Variants in ZNF667 observed in about 807,000 individuals in gnomAD.
ZNF667 encodes zinc finger protein 667.
A neutral mutation model predicts 31.8 loss-of-function variants in ZNF667; 13 were observed. The observed-to-expected ratio is 0.41, with a 90% CI of 0.27 to 0.65. The LOEUF is 0.65. Ranked by LOEUF, ZNF667 falls within the 30% of genes least tolerant of loss-of-function variation. The pLI is 0.32. For synonymous variants in ZNF667, 228 were observed against 247.1 expected, an observed-to-expected ratio of 0.92 and a Z score of 0.73; for missense variants, 642 against 725.6, an observed-to-expected ratio of 0.88 and a Z score of 1.32.
chr19:56,464,010 G>A (rs2043107099), intron 3 of ZNF667, among the ~76,000 whole-genome samples: 1 of 152,120 alleles, frequency 6.6e-6, no homozygotes. Context: ...CTTTTCCAAA[G>A]GTTTTAGGAA....
chr19:56,462,678 C>T (rs145272276), intron 3 of ZNF667, among the ~76,000 whole-genome samples: 103 of 152,330 alleles, frequency 6.8e-4, no homozygotes, highest in African/African-American at 2.4e-3. Flanking sequence ...ACTGCACAGA[C>T]CTCTGGCCAT....
At chr19:56,459,566 A>G (rs1012759776) in intron 5 of ZNF667, among the ~76,000 whole-genome samples, 1 of 152,180 alleles carries the variant, frequency 6.6e-6, no homozygotes, top group East Asian at 1.9e-4. Context: ...TTAAAGCGCT[A>G]AAAACCCCAA....
At chr19:56,475,570 A>G (rs2043388192) in intron 1 of ZNF667, 1 of 152,122 alleles carries the variant, frequency 6.6e-6, no homozygotes, top group Non-Finnish European at 1.5e-5. Flanking sequence ...GGCCTGGTAA[A>G]TAGAGCCCAG....
chr19:56,441,018 C>T lies in ZNF667; in HGVS notation c.*144G>A. The T allele has an allele frequency of 2.8e-6, 4 of 1,434,796 alleles. No individual in the cohort carries two copies. The South Asian group carries it at 4.7e-5, about 17-fold the overall frequency. The allele number at this position is 1,434,796 out of a possible 1,614,324, so 88.9% of individuals were successfully genotyped here. ...TAATTTCAAATCCTGAGGTCAAAAT[C>T]ACCAATGACTTTTGCTCTTTGGCTT... On this transcript the variant is annotated 3_prime_UTR_variant, in exon 7 of 7. Transcript: ENST00000504904. The surrounding 1 kb of genome is among the most constrained non-coding windows in gnomAD (Gnocchi z 4.2).
chr19:56,475,389 TC>T, intron 1 of ZNF667: 1 of 152,482 alleles, frequency 6.6e-6, no homozygotes, highest in Non-Finnish European at 1.5e-5. Flanking sequence ...TGCCCCGCCT[TC>T]CCCAGCTCCC....
chr19:56,467,211 G>A, intron 3 of ZNF667: 1 of 361,146 alleles, frequency 2.8e-6, no homozygotes, highest in South Asian at 2.1e-5. Context: ...GGGGAAATGA[G>A]GGCACTGTGG....
chr19:56,451,868 C>CAAAAAAAAAAAAAAAAAAAAAAA (rs71184363), intron 6 of ZNF667, among the ~76,000 whole-genome samples: 1 of 80,974 alleles, frequency 1.2e-5, no homozygotes, highest in African/African-American at 5.4e-5. Flanking sequence ...GACCCTGTCT[C>CAAAAAAAAAAAAAAAAAAAAAAA]AAAAAAAAAA....
chr19:56,466,965 C>G (rs149206636), intron 3 of ZNF667: 403 of 455,778 alleles, frequency 8.8e-4, no homozygotes, highest in African/African-American at 7.6e-3. Flanking sequence ...AAACTTGCTT[C>G]TTTCACTGTG....
At chr19:56,474,899 C>T (rs1600469766) in intron 1 of ZNF667, 1 of 151,960 alleles carries the variant, frequency 6.6e-6, no homozygotes, top group Admixed American at 6.6e-5. Flanking sequence ...GAATAACGTT[C>T]GAGTCTCAGA....
chr19:56,465,346 T>C lies in ZNF667; in HGVS notation c.-59-2917A>G, dbSNP rs915457272. On this transcript the variant is annotated intron_variant, in intron 3 of 6. Transcript: ENST00000504904. ...CTTGAGTTCAGAGTTAGGTAATGGATATGTTTTGATACAAAACATGGATCC... is the reference window on the plus strand; with the variant it reads ...CTTGAGTTCAGAGTTAGGTAATGGACATGTTTTGATACAAAACATGGATCC... Among the ~76,000 whole-genome samples, 4 of 152,262 alleles carry C rather than the reference T, an allele frequency of 2.6e-5. No homozygotes were observed. In the South Asian group the frequency reaches 8.3e-4, roughly 31 times the overall value.
At chr19:56,469,266 C>T (rs1240072421) in intron 3 of ZNF667, among the ~76,000 whole-genome samples, 1 of 152,196 alleles carries the variant, frequency 6.6e-6, no homozygotes, top group African/African-American at 2.4e-5. Context: ...ACATCCAGAG[C>T]TCCCTCATGC....
intron 6 of ZNF667, among the ~76,000 whole-genome samples, 200 bp from the exon 7 acceptor site, chr19:56,442,941 T>A (rs115694828): frequency 2.0e-3 from 310 of 152,186 alleles, no homozygotes; most frequent in African/African-American, 6.0e-3. Flanking sequence ...TTCAGAAGAG[T>A]GTAATTTGAA....
At chr19:56,463,573 G>A (rs188099243) in intron 3 of ZNF667, among the ~76,000 whole-genome samples, 2 of 152,104 alleles carry the variant, frequency 1.3e-5, no homozygotes, top group East Asian at 3.9e-4. Context: ...TGTTGCCCAG[G>A]CGGGAATGCA....
chr19:56,469,785 T>C, intron 3 of ZNF667: 1 of 376,942 alleles, frequency 2.7e-6, no homozygotes, highest in South Asian at 2.0e-5. Flanking sequence ...CAACTCTGTA[T>C]TCCAAGTGCC....
chr19:56,452,081 T>C (rs1438095568), intron 6 of ZNF667, among the ~76,000 whole-genome samples: 4 of 149,196 alleles, frequency 2.7e-5, no homozygotes, highest in Non-Finnish European at 5.9e-5. Context: ...AGAGTTTCGC[T>C]CTTGTTGTCC....
chr19:56,477,122 G>T (rs1275667086), intron 1 of ZNF667, 150 bp downstream of exon 1: 1 of 152,130 alleles, frequency 6.6e-6, no homozygotes, highest in Non-Finnish European at 1.5e-5. Context: ...CCACGCAGGC[G>T]CGAGCCCACC....
rs1174917115 is a variant in ZNF667, at chr19:56,442,237, C to T, written c.758G>A (p.Cys253Tyr). Residue 253 changes from cysteine (C) to tyrosine (Y), a missense_variant, in exon 7 of 7, where the codon TGC (cysteine) becomes TAC (tyrosine). Coordinates refer to ENST00000504904, the MANE Select transcript of ZNF667 (RefSeq NM_001321356.2). ...GGCTTTTCCGCACTTTCTGCACTGG[C>T]AGACATTCCCAACAACATGAATTTT... ...HQKIHVVGNV[C>Y]QCRKCGKAFN... 4 of 1,614,044 alleles carry T rather than the reference C, an allele frequency of 2.5e-6. No individual in the cohort carries two copies. The highest frequency in any genetic ancestry group is 3.4e-6 in the Non-Finnish European group (4 of 1,180,038).
At position 56,440,943 on chromosome 19, in the gene ZNF667, A is replaced by G. The variant is rs1307070591; in HGVS notation, c.*219T>C. 4 of 1,382,616 alleles carry G rather than the reference A, an allele frequency of 2.9e-6. No homozygotes were observed. Among genetic ancestry groups the G allele is most frequent in the Non-Finnish European group, 2.8e-6 (3 of 1,071,752 alleles). The allele number at this position is 1,382,616 out of a possible 1,614,324, so 85.6% of individuals were successfully genotyped here. Reference sequence around the variant, plus strand: ...CAGCCAGTAATTCTTATCAAATGAAAAATGATCTTCATTCACAATGACTGA... The same window carrying G: ...CAGCCAGTAATTCTTATCAAATGAAGAATGATCTTCATTCACAATGACTGA... On this transcript the variant is annotated 3_prime_UTR_variant, in exon 7 of 7. Coordinates refer to ENST00000504904, the MANE Select transcript of ZNF667 (RefSeq NM_001321356.2).
intron 5 of ZNF667, 121 bp downstream of exon 5, chr19:56,460,568 T>C (rs1286714827): frequency 2.6e-6 from 3 of 1,132,154 alleles, no homozygotes; most frequent in South Asian, 3.8e-5. Context: ...ATGTGAATTA[T>C]ATCTCAATAA....
Sources: gnomAD v4.1 joint callset for allele counts (sites outside exome capture counted in the v4.1 genomes callset) on GRCh38, gnomAD v4.1.1 for gene constraint, Gnocchi (gnomAD v3.1) non-coding constraint, MANE v1.5 for transcripts, NCBI Gene and HGNC (gene_info 2026-07-23, HGNC 2026-07-21) for gene names.